Variants in LINGO2 observed in about 807,000 individuals in gnomAD.
LINGO2 encodes the protein leucine-rich repeat and immunoglobulin-like domain-containing nogo receptor-interacting protein 2.
A neutral mutation model predicts 30.6 loss-of-function variants in LINGO2; 14 were observed. The observed-to-expected ratio is 0.46, with a 90% CI of 0.30 to 0.72. LINGO2 has a LOEUF of 0.72. Among genes scored for constraint, LINGO2 ranks in the 30% least tolerant of loss-of-function variants. The pLI, the probability that LINGO2 is intolerant of heterozygous loss-of-function variation, is 0.07. For missense variants in LINGO2, 729 were observed against 751.7 expected, an observed-to-expected ratio of 0.97 and a Z score of 0.35; for synonymous variants, 317 against 288.5, an observed-to-expected ratio of 1.10 and a Z score of -1.00.
the LINGO2 span, among the ~76,000 whole-genome samples, chr9:28,843,980 T>A: frequency 1.3e-5 from 2 of 151,832 alleles, no homozygotes; most frequent in East Asian, 3.9e-4. Context: ...CCACTATGCA[T>A]GCCTCATGAT....
At chr9:28,820,410 C>T in the LINGO2 span, among the ~76,000 whole-genome samples, 3 of 152,082 alleles carry the variant, frequency 2.0e-5, no homozygotes, top group Non-Finnish European at 4.4e-5. Flanking sequence ...TAAATCTCCA[C>T]TAAAATGATG....
chr9:28,660,131 T>C (rs1563899183), intron 1 of LINGO2, among the ~76,000 whole-genome samples: 2 of 152,142 alleles, frequency 1.3e-5, no homozygotes, highest in African/African-American at 4.8e-5. Context: ...AAAATAATTG[T>C]AGTTAAGTTA....
the LINGO2 span, among the ~76,000 whole-genome samples, chr9:28,713,628 T>G: frequency 6.6e-6 from 1 of 152,136 alleles, no homozygotes; most frequent in Non-Finnish European, 1.5e-5. Context: ...TATTTTCCAT[T>G]AGAAGGTACT....
chr9:28,561,778 T>A (rs1183648889), intron 1 of LINGO2, among the ~76,000 whole-genome samples: 16 of 112,992 alleles, frequency 1.4e-4, no homozygotes, highest in African/African-American at 7.4e-4. Flanking sequence ...TATATATATA[T>A]ATAAAAAATA....
chr9:28,102,949 T>C (rs184682840), intron 4 of LINGO2, among the ~76,000 whole-genome samples: 2 of 152,276 alleles, frequency 1.3e-5, no homozygotes, highest in East Asian at 3.9e-4. Context: ...TTCTGAATAT[T>C]TCTGCTTTAG....
At chr9:28,138,413 T>C (rs949747550) in intron 4 of LINGO2, among the ~76,000 whole-genome samples, 1 of 152,210 alleles carries the variant, frequency 6.6e-6, no homozygotes, top group African/African-American at 2.4e-5. Context: ...AACAAGTCGA[T>C]GACAAAGCTG....
intron 5 of LINGO2, among the ~76,000 whole-genome samples, chr9:27,994,621 C>A (rs1231731377): frequency 6.6e-6 from 1 of 152,096 alleles, no homozygotes; most frequent in Non-Finnish European, 1.5e-5. Flanking sequence ...GAACGTAGTT[C>A]GATGCATGCC....
chr9:28,257,094 G>C (rs1822406534), intron 4 of LINGO2, among the ~76,000 whole-genome samples: 1 of 147,554 alleles, frequency 6.8e-6, no homozygotes, highest in Non-Finnish European at 1.5e-5. Context: ...GTTACTTTTA[G>C]TTTTTTTTTT....
intron 4 of LINGO2, among the ~76,000 whole-genome samples, chr9:28,225,990 A>G (rs1453727063): frequency 6.6e-6 from 1 of 152,096 alleles, no homozygotes; most frequent in Non-Finnish European, 1.5e-5. Flanking sequence ...TGCTAAATCA[A>G]TCTCCAGGAA....
chr9:29,166,546 A>G, the LINGO2 span, among the ~76,000 whole-genome samples: 19 of 152,282 alleles, frequency 1.2e-4, no homozygotes, highest in South Asian at 1.2e-3. Flanking sequence ...GTCTGAGAAG[A>G]TAACTATCCA....
chr9:28,547,243 C>A (rs1821997580), intron 1 of LINGO2, among the ~76,000 whole-genome samples: 1 of 152,070 alleles, frequency 6.6e-6, no homozygotes, highest in Non-Finnish European at 1.5e-5. Flanking sequence ...AGGCATACAT[C>A]TTTTTCTATA....
rs1268513102 is a variant in LINGO2 at position 28,558,182 on chromosome 9, C to A, written c.-364-82157G>T. On this transcript the variant is annotated intron_variant, in intron 1 of 5. Transcript: ENST00000379992. ...ATAGAATAAAACCAAAAAAAAAAAA[C>A]AATGGGTCTGTTGAACCCATTTTTC... Among the ~76,000 whole-genome samples the A allele has an allele frequency of 4.9e-5, 7 of 143,322 alleles. No individual in the cohort carries two copies. In the East Asian group the frequency reaches 8.2e-4, roughly 17 times the overall value. 94.0% of individuals were successfully genotyped at this position (143,322 alleles called of 152,430 possible). A position where few individuals can be genotyped will look rare whatever the true frequency, so the allele number is the denominator to read the frequency against.
At chr9:28,217,544 G>C (rs1169440000) in intron 4 of LINGO2, among the ~76,000 whole-genome samples, 1 of 152,006 alleles carries the variant, frequency 6.6e-6, no homozygotes, top group Non-Finnish European at 1.5e-5. Context: ...CCATAGAAAA[G>C]ACACTTTTTG....
At chr9:28,043,166 C>G (rs1198005) in intron 4 of LINGO2, among the ~76,000 whole-genome samples, 144,837 of 152,202 alleles carry the variant, frequency 0.95, 68,985 homozygotes, top group Non-Finnish European at 0.98. Context: ...TGTGCCTCCT[C>G]GGCATTTGAA....
At chr9:28,654,290 AC>A (rs1184878718) in intron 1 of LINGO2, among the ~76,000 whole-genome samples, 1 of 152,126 alleles carries the variant, frequency 6.6e-6, no homozygotes, top group African/African-American at 2.4e-5. Flanking sequence ...CCTTTTATGT[AC>A]TAAGAAAGCA....
chr9:28,970,037 G>A, the LINGO2 span, among the ~76,000 whole-genome samples: 2 of 152,116 alleles, frequency 1.3e-5, no homozygotes, highest in East Asian at 1.9e-4. Context: ...AATGAGATGT[G>A]TTCACAAAGG....
the LINGO2 span, among the ~76,000 whole-genome samples, chr9:28,801,882 G>T: frequency 1.3e-5 from 2 of 151,880 alleles, no homozygotes; most frequent in Non-Finnish European, 2.9e-5. Context: ...TTTTTACAAT[G>T]AAATATTATA....
the LINGO2 span, among the ~76,000 whole-genome samples, chr9:28,679,844 A>T: frequency 6.6e-6 from 1 of 152,000 alleles, no homozygotes; most frequent in Non-Finnish European, 1.5e-5. Flanking sequence ...ACATATAGTT[A>T]TCAAGTACAT....
intron 5 of LINGO2, among the ~76,000 whole-genome samples, chr9:28,010,553 A>G (rs764578177): frequency 1.3e-5 from 2 of 152,234 alleles, no homozygotes; most frequent in Non-Finnish European, 2.9e-5. Context: ...GAGTTTCTAG[A>G]TCCCACCCAG....
Sources: gnomAD v4.1 joint callset for allele counts (sites outside exome capture counted in the v4.1 genomes callset) on GRCh38, gnomAD v4.1.1 for gene constraint, MANE v1.5 for transcripts, NCBI Gene and HGNC (gene_info 2026-07-23, HGNC 2026-07-21) for gene names.